The following SLC8A1 variants were observed in gnomAD, a reference collection of about 807,000 sequenced individuals.
SLC8A1 encodes the protein solute carrier family 8 member A1.
SLC8A1 carries 18 observed loss-of-function variants against 68.3 expected under a neutral mutation model. That is an observed-to-expected ratio of 0.26 (90% CI 0.18 to 0.39). The LOEUF (loss-of-function observed/expected upper bound fraction) is 0.39. Among genes scored for constraint, SLC8A1 ranks in the 10% least tolerant of loss-of-function variants. The probability of loss-of-function intolerance (pLI) is 1.00; values close to 1 mark genes in which losing one functional copy is unlikely to be tolerated. For synonymous variants in SLC8A1, 475 were observed against 415.5 expected (o/e 1.14, Z -1.74); for missense variants, 985 against 1,156.7 (o/e 0.85, Z 2.15).
intron 1 of SLC8A1, among the ~76,000 whole-genome samples, chr2:40,479,218 GA>G (rs951375911): frequency 2.0e-5 from 3 of 152,174 alleles, no homozygotes; most frequent in African/African-American, 7.2e-5. Flanking sequence ...CTTTTTGGTG[GA>G]AATTCAATTT....
chr2:40,300,395 C>A (rs1338892786), intron 2 of SLC8A1, among the ~76,000 whole-genome samples: 1 of 147,980 alleles, frequency 6.8e-6, no homozygotes, highest in Non-Finnish European at 1.5e-5. Flanking sequence ...CCAGGATGTG[C>A]TTCACTGCTT....
chr2:40,178,665 A>G (rs2048912068), intron 2 of SLC8A1, among the ~76,000 whole-genome samples, 172 bp from the exon 3 acceptor site: 1 of 152,232 alleles, frequency 6.6e-6, no homozygotes, highest in Admixed American at 6.5e-5. Flanking sequence ...GGTATGAAAG[A>G]TCAGAGATTT....
chr2:40,278,861 AG>A (rs1185806395), intron 2 of SLC8A1, among the ~76,000 whole-genome samples: 14 of 152,308 alleles, frequency 9.2e-5, no homozygotes, highest in Admixed American at 5.2e-4. Context: ...ATTTATTAAA[AG>A]GTTTTTTTTA....
At chr2:40,291,034 T>G (rs771702508) in intron 2 of SLC8A1, among the ~76,000 whole-genome samples, 3 of 152,228 alleles carry the variant, frequency 2.0e-5, no homozygotes, top group Non-Finnish European at 2.9e-5. Flanking sequence ...TTTATGTCAA[T>G]TGAACATCAG....
Position 40,277,792 on chromosome 2 carries a change from GTGTATATATA to G in SLC8A1, c.1809-99947_1809-99938del, listed in dbSNP as rs1403379820. On this transcript the variant is annotated intron_variant, in intron 2 of 7. Coordinates refer to ENST00000406785, the Ensembl canonical transcript of SLC8A1. ...CATATGTATAAATATATATATATGT[GTGTATATATA>G]TATATATATATATATATATATATAT... Among the ~76,000 whole-genome samples the G allele has an allele frequency of 5.0e-3, 465 of 92,180 alleles. 5 individuals are homozygous for G. Among genetic ancestry groups the G allele is most frequent in the African/African-American group, 0.021 (449 of 20,982 alleles). 60.5% of individuals were successfully genotyped at this position (92,180 alleles called of 152,430 possible).
At chr2:40,376,198 CAGTCT>C (rs1679809429) in intron 2 of SLC8A1, among the ~76,000 whole-genome samples, 1 of 152,034 alleles carries the variant, frequency 6.6e-6, no homozygotes, top group African/African-American at 2.4e-5. Context: ...GTTAACCTAT[CAGTCT>C]AGTATTTGTG....
intron 2 of SLC8A1, among the ~76,000 whole-genome samples, chr2:40,416,858 A>T (rs1232501930): frequency 6.6e-6 from 1 of 152,034 alleles, no homozygotes; most frequent in Non-Finnish European, 1.5e-5. Flanking sequence ...AAAACCAGCA[A>T]CTACTTTTGC....
intron 2 of SLC8A1, among the ~76,000 whole-genome samples, chr2:40,314,026 A>T (rs958342267): frequency 6.6e-6 from 1 of 152,222 alleles, no homozygotes; most frequent in South Asian, 2.1e-4. Flanking sequence ...TTTAAATGTT[A>T]TCAATTTTTA....
At chr2:40,232,026 C>T (rs2148900706) in intron 2 of SLC8A1, among the ~76,000 whole-genome samples, 1 of 152,116 alleles carries the variant, frequency 6.6e-6, no homozygotes, top group East Asian at 1.9e-4. Context: ...TAGAATGGGG[C>T]TGTGTCCTAA....
At chr2:40,287,595 T>C (rs1575089103) in intron 2 of SLC8A1, among the ~76,000 whole-genome samples, 1 of 140,614 alleles carries the variant, frequency 7.1e-6, no homozygotes, top group African/African-American at 3.2e-5. Flanking sequence ...TGTGTGTGTG[T>C]GTGTGTGTGT....
chr2:40,227,679 C>A (rs2059154179), intron 2 of SLC8A1, among the ~76,000 whole-genome samples: 1 of 152,034 alleles, frequency 6.6e-6, no homozygotes, highest in South Asian at 2.1e-4. Context: ...TGTAACAAAC[C>A]TGCATTTGTA....
chr2:40,130,693 C>T (rs531342737), intron 7 of SLC8A1, among the ~76,000 whole-genome samples: 1 of 152,336 alleles, frequency 6.6e-6, no homozygotes, highest in South Asian at 2.1e-4. Context: ...CTGGGAAATA[C>T]TGGCTTAGGG....
rs570416321 is a variant in SLC8A1 at position 40,273,282 on chromosome 2, G to A, written c.1809-95427C>T. On this transcript the variant is annotated intron_variant, in intron 2 of 7. Coordinates refer to ENST00000406785, the Ensembl canonical transcript of SLC8A1. The stretch of plus-strand genomic sequence containing the variant: ...TTTTTTTTGTATTTTTAGTAGAGAC[G>A]GGGTTTCTTCATGTTGGTCAGGCTG... Among the ~76,000 whole-genome samples the A allele has an allele frequency of 4.0e-5, 6 of 151,348 alleles. No individual in the cohort carries two copies. In the East Asian group the frequency reaches 7.8e-4, roughly 20 times the overall value.
At chr2:40,192,836 G>A (rs1463553950) in intron 2 of SLC8A1, among the ~76,000 whole-genome samples, 1 of 152,160 alleles carries the variant, frequency 6.6e-6, no homozygotes, top group East Asian at 1.9e-4. Context: ...TCCTGAGATA[G>A]AGATTCAAAG....
intron 2 of SLC8A1, among the ~76,000 whole-genome samples, chr2:40,344,767 T>C (rs549722691): frequency 1.8e-4 from 27 of 152,296 alleles, no homozygotes; most frequent in Non-Finnish European, 3.1e-4. Context: ...TCACTCAGAA[T>C]TGACATTAGG....
intron 1 of SLC8A1, among the ~76,000 whole-genome samples, chr2:40,460,575 T>G (rs901149204): frequency 8.6e-6 from 1 of 116,188 alleles, no homozygotes; most frequent in Non-Finnish European, 1.8e-5. Context: ...CTGTAAGTAT[T>G]TTTTAATTTT....
At chr2:40,380,525 C>G (rs1221374552) in intron 2 of SLC8A1, among the ~76,000 whole-genome samples, 2 of 152,008 alleles carry the variant, frequency 1.3e-5, no homozygotes, top group Non-Finnish European at 2.9e-5. Context: ...GATGCAAAAT[C>G]ATTTTTGATT....
Position 40,237,544 on chromosome 2 carries a change from G to A in SLC8A1, c.1809-59689C>T, listed in dbSNP as rs542693617. Among the ~76,000 whole-genome samples, 870 of 151,626 alleles carry A rather than the reference G, an allele frequency of 5.7e-3. 6 individuals are homozygous for A. The highest frequency in any genetic ancestry group is 0.02 in the African/African-American group (820 of 41,424). On this transcript the variant is annotated intron_variant, in intron 2 of 7. Transcript: ENST00000406785. ...AAAGTTTTCAACTTCTTTGCCTTTG[G>A]TTTGAATGTCCTCCCGTAGCTCAGA...
chr2:40,187,672 T>G (rs2050950653), intron 2 of SLC8A1, among the ~76,000 whole-genome samples: 1 of 152,214 alleles, frequency 6.6e-6, no homozygotes, highest in Non-Finnish European at 1.5e-5. Context: ...AGTGTCAGTG[T>G]CCAAAAAACA....
Sources: gnomAD v4.1 joint callset for allele counts (sites outside exome capture counted in the v4.1 genomes callset) on GRCh38, gnomAD v4.1.1 for gene constraint, MANE v1.5 for transcripts, NCBI Gene and HGNC (gene_info 2026-07-23, HGNC 2026-07-21) for gene names.